Variants in OPHN1 observed in about 807,000 individuals in gnomAD.
OPHN1 encodes the protein oligophrenin 1, also known as oligophrenin-1.
In OPHN1, 11 loss-of-function variants were observed where a neutral mutation model predicts 60.7. The ratio of observed to expected loss-of-function variants is 0.18; its 90% CI spans 0.11 to 0.30. OPHN1 has a LOEUF of 0.30. OPHN1 is among the 10% of genes least tolerant of loss of function. The pLI is 1.00. For missense variants in OPHN1, 449 were observed against 611.0 expected (o/e 0.73, Z 2.80); for synonymous variants, 226 against 222.6 (o/e 1.02, Z -0.14).
intron 2 of OPHN1, among the ~76,000 whole-genome samples, chrX:68,399,760 G>A (rs1237167852): frequency 2.7e-5 from 3 of 110,941 alleles, no homozygotes; most frequent in Non-Finnish European, 5.7e-5. Context: ...TATAGGCCCT[G>A]AGTGATTGGG....
intron 2 of OPHN1, among the ~76,000 whole-genome samples, chrX:68,383,821 T>C (rs1426149085): frequency 1.8e-5 from 2 of 110,229 alleles, no homozygotes; most frequent in Non-Finnish European, 3.8e-5. Context: ...AAAAATTCCA[T>C]GGCAGAGAAG....
At chrX:68,353,395 C>T (rs939423362) in intron 2 of OPHN1, among the ~76,000 whole-genome samples, 2 of 97,083 alleles carry the variant, frequency 2.1e-5, no homozygotes, top group African/African-American at 7.6e-5. Context: ...ATGGTGAAAC[C>T]CCGTCTCTAC....
At chrX:68,291,875 C>T (rs1040527992) in intron 3 of OPHN1, among the ~76,000 whole-genome samples, 3 of 111,254 alleles carry the variant, frequency 2.7e-5, no homozygotes, top group East Asian at 5.6e-4. Flanking sequence ...ATGGCAATAA[C>T]TTCCTTAATT....
intron 3 of OPHN1, 39 bp from the exon 4 acceptor site, chrX:68,283,156 G>C: frequency 9.3e-7 from 1 of 1,075,399 alleles, no homozygotes. Context: ...AATTAATCAT[G>C]GTGCTTGACA....
At chrX:68,349,130 G>A (rs977916611) in intron 2 of OPHN1, among the ~76,000 whole-genome samples, 12 of 110,753 alleles carry the variant, frequency 1.1e-4, no homozygotes, top group Non-Finnish European at 1.9e-4. Flanking sequence ...CCTACAGAAT[G>A]GGAGACAAAT....
In OPHN1 at chrX:68,210,254, T is replaced by A; in HGVS notation, c.731A>T (p.Glu244Val). Residue 244 changes from glutamate to valine, a missense_variant, in exon 9 of 25, where the codon GAA becomes GTA. By Grantham distance (121) the Glu-to-Val change is moderately radical (BLOSUM62 -2). Around this residue, in one of 4 missense-constraint regions of OPHN1, gnomAD observed 166 missense variants for 278.4 expected, o/e 0.60. Coordinates refer to ENST00000355520, the MANE Select transcript of OPHN1 (RefSeq NM_002547.3). ...NTRNHFSSTREEMEELKKRMK... is the reference protein window; with the variant it reads ...NTRNHFSSTRVEMEELKKRMK... ...CCTTTTCTTAAGTTCTTCCATCTCT[T>A]CCCGGGTACTGGAGAAATGATTTCT... 8.3e-7 allele frequency: 1 copy of A among 1,208,663 alleles called. No homozygotes were observed. Among genetic ancestry groups the A allele is most frequent in the Non-Finnish European group, 1.1e-6 (1 of 892,984 alleles).
chrX:68,365,208 G>A (rs897123440), intron 2 of OPHN1, among the ~76,000 whole-genome samples: 4 of 110,810 alleles, frequency 3.6e-5, no homozygotes, highest in African/African-American at 1.3e-4. Context: ...CTTCAAAAGA[G>A]TCATTCAACA....
chrX:68,176,390 CCTTAAAAGAAATAAATAG>C, intron 15 of OPHN1, among the ~76,000 whole-genome samples: 1 of 111,405 alleles, frequency 9.0e-6, no homozygotes, highest in Non-Finnish European at 1.9e-5. Context: ...AATAGACATT[CCTTAAAAGAAATAAATAG>C]CCCGTGAGCA....
At chrX:68,304,368 G>C in intron 2 of OPHN1, among the ~76,000 whole-genome samples, 1 of 110,457 alleles carries the variant, frequency 9.1e-6, no homozygotes, top group Non-Finnish European at 1.9e-5. Context: ...TCTAATGGGT[G>C]TGTAATAGTA....
Position 68,063,935 on chromosome X carries a change from TG to T in OPHN1, c.2076del (p.Met693CysfsTer14). The T allele has an allele frequency of 8.3e-7, 1 of 1,202,273 alleles. No homozygotes were observed. On this transcript the variant is annotated frameshift_variant, in exon 21 of 25. Coordinates refer to ENST00000355520, the MANE Select transcript of OPHN1 (RefSeq NM_002547.3). LOFTEE classifies it high-confidence loss of function. ...TKITPKATNG[P>X]MPGSGPTKTP... ...GTCTTGGTGGGCCCAGAGCCTGGCA[TG>T]GGTCCATTGGTGGCCTTTGGGGTGA...
chrX:68,278,711 C>A (rs1344703810), intron 4 of OPHN1, among the ~76,000 whole-genome samples: 1 of 112,195 alleles, frequency 8.9e-6, no homozygotes, highest in African/African-American at 3.2e-5. Flanking sequence ...CATGGCAAAA[C>A]CCCATCTCTA....
intron 2 of OPHN1, among the ~76,000 whole-genome samples, chrX:68,426,238 C>G (rs1368787379): frequency 9.1e-6 from 1 of 110,360 alleles, no homozygotes; most frequent in Non-Finnish European, 1.9e-5. Flanking sequence ...GTCAGGAGTT[C>G]GAGACCAGCC....
At chrX:68,142,826 T>C (rs1438768925) in intron 15 of OPHN1, among the ~76,000 whole-genome samples, 1 of 112,114 alleles carries the variant, frequency 8.9e-6, no homozygotes, top group Non-Finnish European at 1.9e-5. Context: ...CTATAAAGAA[T>C]AAGTGGTCAA....
intron 6 of OPHN1, among the ~76,000 whole-genome samples, chrX:68,216,662 C>A (rs1413399017): frequency 9.0e-6 from 1 of 111,285 alleles, no homozygotes; most frequent in Non-Finnish European, 1.9e-5. Context: ...TAAAATCTTT[C>A]TGCACAACAA....
At chrX:68,170,733 G>A (rs1218431120) in intron 15 of OPHN1, among the ~76,000 whole-genome samples, 3 of 93,385 alleles carry the variant, frequency 3.2e-5, no homozygotes, top group East Asian at 3.6e-4. Context: ...ACTGAACAAT[G>A]AGAACACATG....
At chrX:68,381,385 C>T (rs974997417) in intron 2 of OPHN1, among the ~76,000 whole-genome samples, 7 of 111,464 alleles carry the variant, frequency 6.3e-5, no homozygotes, top group African/African-American at 2.3e-4. Flanking sequence ...ACTGCTCTAC[C>T]CCCAGTGGCT....
At chrX:68,202,173 G>A (rs1236444910) in intron 10 of OPHN1, among the ~76,000 whole-genome samples, 1 of 111,965 alleles carries the variant, frequency 8.9e-6, no homozygotes, top group African/African-American at 3.2e-5. Flanking sequence ...GCAGATGAAG[G>A]AGGGAGAAAA....
rs1437982283 is a variant in OPHN1, at chrX:68,170,780, T to G, written c.1276+22139A>C. Among the ~76,000 whole-genome samples the G allele has an allele frequency of 6.8e-5, 4 of 58,449 alleles. No individual in the cohort carries two copies. The East Asian group carries it at 1.9e-3, about 28-fold the overall frequency. The allele number at this position is 58,449 out of a possible 115,157, so 50.8% of individuals were successfully genotyped here. On this transcript the variant is annotated intron_variant, in intron 15 of 24. Transcript: ENST00000355520. Reference sequence around the variant, plus strand: ...GGGAACATCACACTCTGGGGACTGTTGTGGGGTGGGGGGAGGGGGGAGGGA... The same window carrying G: ...GGGAACATCACACTCTGGGGACTGTGGTGGGGTGGGGGGAGGGGGGAGGGA...
intron 2 of OPHN1, among the ~76,000 whole-genome samples, chrX:68,432,114 A>G (rs1176018934): frequency 2.7e-5 from 3 of 110,982 alleles, no homozygotes; most frequent in East Asian, 2.9e-4. Flanking sequence ...CAGCTGAGTC[A>G]GCTGTGAGCA....
Sources: gnomAD v4.1 joint callset for allele counts (sites outside exome capture counted in the v4.1 genomes callset) on GRCh38, gnomAD v4.1.1 for gene constraint, gnomAD v4.1.1 regional missense constraint, MANE v1.5 for transcripts, NCBI Gene and HGNC (gene_info 2026-07-23, HGNC 2026-07-21) for gene names.